NRXN3: variants seen among roughly 807,000 people sequenced by gnomAD.
NRXN3 encodes neurexin 3.
A neutral mutation model predicts 137.6 loss-of-function variants in NRXN3; 32 were observed. The observed-to-expected ratio is 0.23, with a 90% CI of 0.18 to 0.31. The LOEUF (loss-of-function observed/expected upper bound fraction) is 0.31. Among genes scored for constraint, NRXN3 ranks in the 10% least tolerant of loss-of-function variants. NRXN3 has a pLI of 1.00. For missense variants in NRXN3, 1,574 were observed against 2,062.5 expected, an observed-to-expected ratio of 0.76 and a Z score of 4.59; for synonymous variants, 798 against 784.5, an observed-to-expected ratio of 1.02 and a Z score of -0.29.
At position 79,688,873 on chromosome 14, in the gene NRXN3, A is replaced by G. The variant is rs112385181; in HGVS notation, c.3617-3300A>G. Reference sequence around the variant, plus strand: ...GTATAATGTTCTCAATCCCTTATCAAAAATAGATGGGAATAAACACACATA... The same window carrying G: ...GTATAATGTTCTCAATCCCTTATCAGAAATAGATGGGAATAAACACACATA... On this transcript the variant is annotated intron_variant, in intron 17 of 20. Transcript: ENST00000335750. Among the ~76,000 whole-genome samples, 985 of 152,266 alleles carry G rather than the reference A, an allele frequency of 6.5e-3. 11 individuals carry two copies. The highest frequency in any genetic ancestry group is 0.022 in the African/African-American group (922 of 41,578).
chr14:78,712,021 C>T (rs2152840962), intron 7 of NRXN3, among the ~76,000 whole-genome samples: 1 of 152,296 alleles, frequency 6.6e-6, no homozygotes, highest in African/African-American at 2.4e-5. Flanking sequence ...CTTTTATGAT[C>T]ACTCCTCACT....
intron 16 of NRXN3, among the ~76,000 whole-genome samples, chr14:79,497,396 GC>G (rs2096777571): frequency 6.6e-6 from 1 of 152,016 alleles, no homozygotes; most frequent in African/African-American, 2.4e-5. Flanking sequence ...CCGTTGTATG[GC>G]CCTTCCACTC....
chr14:78,672,137 C>G (rs1335850080), intron 6 of NRXN3, among the ~76,000 whole-genome samples: 1 of 152,148 alleles, frequency 6.6e-6, no homozygotes, highest in Non-Finnish European at 1.5e-5. Flanking sequence ...ATAGCAGAGT[C>G]AGTGATACAA....
chr14:79,779,128 T>C (rs2099106263), intron 19 of NRXN3, among the ~76,000 whole-genome samples: 1 of 152,256 alleles, frequency 6.6e-6, no homozygotes, highest in Non-Finnish European at 1.5e-5. Flanking sequence ...TTGTTTTCTT[T>C]TTGAGACAGA....
At chr14:79,654,475 T>A (rs2098495270) in intron 16 of NRXN3, among the ~76,000 whole-genome samples, 1 of 152,158 alleles carries the variant, frequency 6.6e-6, no homozygotes, top group South Asian at 2.1e-4. Context: ...ATGTCTGCTG[T>A]TGTAGCATGG....
rs2059351862 is a variant in NRXN3, at chr14:78,177,168, G to C, written c.-704+6494G>C. Among the ~76,000 whole-genome samples, 3 of 152,270 alleles carry C rather than the reference G, an allele frequency of 2.0e-5. No individual in the cohort carries two copies. In the South Asian group the frequency reaches 6.2e-4, roughly 32 times the overall value. ...CTCTGGGAGCCTGTCACTTCTCCTA[G>C]ACTGGCCTAGCCTTCTTTCTCACGA... On this transcript the variant is annotated intron_variant, in intron 1 of 20. Coordinates refer to ENST00000335750, the MANE Select transcript of NRXN3 (RefSeq NM_001330195.2).
chr14:79,466,589 G>A (rs1359616580), intron 15 of NRXN3, among the ~76,000 whole-genome samples: 2 of 150,924 alleles, frequency 1.3e-5, no homozygotes, highest in Non-Finnish European at 2.9e-5. Context: ...CTCCATCTCA[G>A]AAAGAAAAAA....
intron 15 of NRXN3, chr14:79,201,593 A>AT (rs1568586943): frequency 2.0e-5 from 3 of 152,072 alleles, no homozygotes; most frequent in Admixed American, 6.6e-5. Flanking sequence ...TTATTCTATC[A>AT]TTTTTTATGA....
At chr14:79,626,348 C>T (rs1411525058) in intron 16 of NRXN3, among the ~76,000 whole-genome samples, 3 of 152,024 alleles carry the variant, frequency 2.0e-5, no homozygotes, top group Non-Finnish European at 4.4e-5. Context: ...TCTCCTGGGA[C>T]CATGATGGGT....
intron 10 of NRXN3, among the ~76,000 whole-genome samples, chr14:78,890,386 A>C (rs943589583): frequency 1.3e-5 from 2 of 152,066 alleles, no homozygotes; most frequent in Admixed American, 1.3e-4. Context: ...TGTTTATAAT[A>C]ATATAAATAA....
At chr14:79,044,920 A>C (rs2099630762) in intron 15 of NRXN3, among the ~76,000 whole-genome samples, 1 of 152,016 alleles carries the variant, frequency 6.6e-6, no homozygotes, top group South Asian at 2.1e-4. Context: ...GTGAACTACA[A>C]ATTATTTTCT....
intron 19 of NRXN3, 130 bp downstream of exon 19, chr14:79,698,067 T>C: frequency 2.5e-6 from 2 of 804,894 alleles, no homozygotes; most frequent in East Asian, 2.7e-5. Context: ...ATACTCATAG[T>C]AATGAGACCC....
At position 79,751,243 on chromosome 14, in the gene NRXN3, T is replaced by C. The variant is rs558711689; in HGVS notation, c.4014+53306T>C. On this transcript the variant is annotated intron_variant, in intron 19 of 20. Coordinates refer to ENST00000335750, the MANE Select transcript of NRXN3 (RefSeq NM_001330195.2). ...CCATTTGTTTGTATCCTCTTTTATT[T>C]CATTGAGCAGTGGTTTGTAGTTCTC... 5.7e-4 allele frequency among the ~76,000 whole-genome samples: 87 copies of C among 152,160 alleles called. No homozygotes were observed. The East Asian group carries it at 9.1e-3, about 16-fold the overall frequency.
chr14:79,213,810 A>C (rs904277508), intron 15 of NRXN3, among the ~76,000 whole-genome samples: 1 of 152,150 alleles, frequency 6.6e-6, no homozygotes, highest in African/African-American at 2.4e-5. Context: ...AAATGTCAGC[A>C]CCAGTTCCAG....
intron 1 of NRXN3, among the ~76,000 whole-genome samples, chr14:78,225,983 GT>G (rs1567013724): frequency 6.1e-5 from 8 of 130,272 alleles, no homozygotes; most frequent in African/African-American, 1.4e-4. Context: ...TGGTGTGTGT[GT>G]GTGTGTGTGT....
At chr14:78,744,739 A>C (rs1243111850) in intron 8 of NRXN3, 1 of 152,128 alleles carries the variant, frequency 6.6e-6, no homozygotes, top group African/African-American at 2.4e-5. Flanking sequence ...CCTCTGGGAT[A>C]GTTTCTGCTC....
intron 16 of NRXN3, among the ~76,000 whole-genome samples, chr14:79,618,866 GTTT>G: frequency 6.6e-6 from 1 of 151,776 alleles, no homozygotes; most frequent in Middle Eastern, 3.4e-3. Flanking sequence ...CTGTTTTTTT[GTTT>G]GTTTGTTTTT....
chr14:78,995,166 A>C (rs257205), intron 15 of NRXN3, among the ~76,000 whole-genome samples: 1,842 of 152,304 alleles, frequency 0.012, 34 homozygotes, highest in African/African-American at 0.042. Context: ...TAGAACTGGG[A>C]AAGGGAAATT....
chr14:78,229,878 A>T (rs191740778), intron 1 of NRXN3, among the ~76,000 whole-genome samples: 1 of 152,154 alleles, frequency 6.6e-6, no homozygotes, highest in Admixed American at 6.5e-5. Context: ...TTGGCAGTGG[A>T]GGGGATAATA....
Sources: gnomAD v4.1 joint callset for allele counts (sites outside exome capture counted in the v4.1 genomes callset) on GRCh38, gnomAD v4.1.1 for gene constraint, MANE v1.5 for transcripts, NCBI Gene and HGNC (gene_info 2026-07-23, HGNC 2026-07-21) for gene names.